Variants in GRID2 observed in about 807,000 individuals in gnomAD.
GRID2 encodes glutamate ionotropic receptor delta type subunit 2.
GRID2 carries 33 observed loss-of-function variants against 114.8 expected under a neutral mutation model. The ratio of observed to expected loss-of-function variants is 0.29; its 90% CI spans 0.22 to 0.38. The LOEUF (loss-of-function observed/expected upper bound fraction) is 0.38. Ranked by LOEUF, GRID2 falls within the 10% of genes least tolerant of loss-of-function variation. The pLI is 1.00. For synonymous variants in GRID2, 505 were observed against 449.9 expected, an observed-to-expected ratio of 1.12 and a Z score of -1.55; for missense variants, 1,184 against 1,257.7, an observed-to-expected ratio of 0.94 and a Z score of 0.89.
chr4:93,696,999 T>A (rs1312108723), intron 14 of GRID2, among the ~76,000 whole-genome samples: 1 of 152,222 alleles, frequency 6.6e-6, no homozygotes, highest in Non-Finnish European at 1.5e-5. Context: ...CCACTCTATG[T>A]TATTTTCCTG....
intron 2 of GRID2, among the ~76,000 whole-genome samples, chr4:92,895,760 T>G (rs1287039471): frequency 1.3e-5 from 2 of 152,096 alleles, no homozygotes; most frequent in Non-Finnish European, 2.9e-5. Flanking sequence ...TCCTGTAAAG[T>G]CAGTACCATT....
intron 1 of GRID2, among the ~76,000 whole-genome samples, chr4:92,580,115 A>T (rs1728108338): frequency 6.6e-6 from 1 of 150,498 alleles, no homozygotes; most frequent in Non-Finnish European, 1.5e-5. Context: ...AAATACCTAG[A>T]AAATTTGCCG....
At chr4:92,661,730 A>C (rs1488602576) in intron 2 of GRID2, among the ~76,000 whole-genome samples, 1 of 151,010 alleles carries the variant, frequency 6.6e-6, no homozygotes, top group African/African-American at 2.4e-5. Context: ...TGTCTTAATG[A>C]TGATGTATAT....
At chr4:93,246,513 G>A (rs962645228) in intron 8 of GRID2, among the ~76,000 whole-genome samples, 1 of 151,344 alleles carries the variant, frequency 6.6e-6, no homozygotes, top group Admixed American at 6.6e-5. Context: ...CGTGAACCTG[G>A]GAGGCAGAGC....
At chr4:93,021,440 T>C (rs1476907634) in intron 2 of GRID2, among the ~76,000 whole-genome samples, 19 of 149,580 alleles carry the variant, frequency 1.3e-4, no homozygotes, top group Non-Finnish European at 1.5e-5. Context: ...TGATAGATAT[T>C]TAATTTTAAA....
intron 1 of GRID2, among the ~76,000 whole-genome samples, chr4:92,414,933 C>G (rs1256601662): frequency 2.0e-5 from 3 of 151,958 alleles, no homozygotes; most frequent in Non-Finnish European, 2.9e-5. Context: ...CTTCATTATT[C>G]CATGAAAGTT....
At chr4:93,069,567 C>T (rs950292203) in intron 2 of GRID2, among the ~76,000 whole-genome samples, 2 of 151,920 alleles carry the variant, frequency 1.3e-5, no homozygotes, top group Admixed American at 6.6e-5. Flanking sequence ...TATGTAAAGC[C>T]GCTTTGAAGA....
chr4:92,907,821 C>T (rs192278909), intron 2 of GRID2, among the ~76,000 whole-genome samples: 42 of 152,112 alleles, frequency 2.8e-4, no homozygotes, highest in Non-Finnish European at 5.7e-4. Flanking sequence ...GTTAGGAGTT[C>T]GAGACCAGCC....
intron 4 of GRID2, among the ~76,000 whole-genome samples, chr4:93,133,160 G>A (rs896126220): frequency 6.6e-6 from 1 of 150,922 alleles, no homozygotes; most frequent in East Asian, 1.9e-4. Flanking sequence ...GCTCTCTCTC[G>A]GTCTCTCTCT....
chr4:93,808,286 T>G (rs1735069654), exon 2 of GRID2: 1 of 152,198 alleles, frequency 6.6e-6, no homozygotes, highest in Non-Finnish European at 1.5e-5. Flanking sequence ...ACCATGACTG[T>G]GGGCAAATCA....
intron 1 of GRID2, among the ~76,000 whole-genome samples, chr4:92,323,149 AC>A (rs1464571630): frequency 6.6e-6 from 1 of 152,074 alleles, no homozygotes; most frequent in Non-Finnish European, 1.5e-5. Context: ...AATTTGCTTT[AC>A]CTTGAGTCCC....
At chr4:93,172,925 A>C (rs1378618407) in intron 4 of GRID2, among the ~76,000 whole-genome samples, 1 of 150,646 alleles carries the variant, frequency 6.6e-6, no homozygotes, top group Non-Finnish European at 1.5e-5. Flanking sequence ...TTTTTTTTTC[A>C]GTTCAATGAT....
intron 4 of GRID2, among the ~76,000 whole-genome samples, chr4:93,111,676 C>A (rs1220021398): frequency 6.6e-6 from 1 of 150,814 alleles, no homozygotes; most frequent in African/African-American, 2.4e-5. Flanking sequence ...TAGAACTGTT[C>A]ATGACTTTAC....
Position 93,224,720 on chromosome 4 carries a change from G to C in GRID2, c.1070G>C (p.Arg357Thr). ...AGCATGGCAAGTCTGTCATGTATCA[G>C]AAAGAACTCAAAGCCCTGGCAGGGT... is the stretch of plus-strand genomic sequence containing the variant. ...WHSMASLSCI[R>T]KNSKPWQGGR... The change falls in exon 7 of 16, where the codon AGA becomes ACA. Residue 357 changes from arginine to threonine, a missense_variant. Around this residue, in one of 3 missense-constraint regions of GRID2, gnomAD observed 12 missense variants for 31.3 expected, o/e 0.38. Coordinates refer to ENST00000282020, the MANE Select transcript of GRID2 (RefSeq NM_001510.4). The C allele has an allele frequency of 1.2e-6, 2 of 1,613,120 alleles. No homozygotes were observed. Among genetic ancestry groups the C allele is most frequent in the Non-Finnish European group, 1.7e-6 (2 of 1,179,400 alleles).
intron 9 of GRID2, among the ~76,000 whole-genome samples, chr4:93,402,197 G>A (rs1765963039): frequency 6.6e-6 from 1 of 151,862 alleles, no homozygotes; most frequent in South Asian, 2.1e-4. Context: ...AGAAGCTTTG[G>A]CACACACTGC....
chr4:93,116,248 C>T (rs763779805), intron 4 of GRID2, among the ~76,000 whole-genome samples: 1 of 152,120 alleles, frequency 6.6e-6, no homozygotes, highest in Non-Finnish European at 1.5e-5. Context: ...CACTCTTCTA[C>T]CTCTCAGCTT....
At chr4:92,997,592 G>A (rs1168603079) in intron 2 of GRID2, among the ~76,000 whole-genome samples, 2 of 152,178 alleles carry the variant, frequency 1.3e-5, no homozygotes, top group African/African-American at 4.8e-5. Flanking sequence ...AGAGGATATG[G>A]ATTGTGTCTC....
intron 2 of GRID2, among the ~76,000 whole-genome samples, chr4:92,841,996 C>A (rs1343054714): frequency 1.3e-5 from 2 of 152,078 alleles, no homozygotes; most frequent in Non-Finnish European, 2.9e-5. Context: ...TGCAATGCTT[C>A]TGGAGAAGTT....
At chr4:92,920,292 T>C (rs1749201034) in intron 2 of GRID2, among the ~76,000 whole-genome samples, 2 of 152,320 alleles carry the variant, frequency 1.3e-5, no homozygotes, top group South Asian at 2.1e-4. Context: ...GGGTCTTGAC[T>C]CTTTATCCAA....
Sources: gnomAD v4.1 joint callset for allele counts (sites outside exome capture counted in the v4.1 genomes callset) on GRCh38, gnomAD v4.1.1 for gene constraint, gnomAD v4.1.1 regional missense constraint, MANE v1.5 for transcripts, NCBI Gene and HGNC (gene_info 2026-07-23, HGNC 2026-07-21) for gene names.